Variants in KALRN observed in about 807,000 individuals in gnomAD.
KALRN encodes the protein kalirin RhoGEF kinase, also known as kalirin.
A neutral mutation model predicts 353.7 loss-of-function variants in KALRN; 70 were observed. That is an observed-to-expected ratio of 0.20 (90% CI 0.16 to 0.24). The LOEUF (loss-of-function observed/expected upper bound fraction) is 0.24. KALRN is among the 10% of genes least tolerant of loss of function. The pLI is 1.00. For missense variants in KALRN, 2,791 were observed against 3,756.7 expected, an observed-to-expected ratio of 0.74 and a Z score of 6.72; for synonymous variants, 1,391 against 1,434.8, an observed-to-expected ratio of 0.97 and a Z score of 0.69.
At chr3:124,705,824 C>A (rs186945104) in intron 57 of KALRN, among the ~76,000 whole-genome samples, 1 of 145,706 alleles carries the variant, frequency 6.9e-6, no homozygotes, top group Admixed American at 6.9e-5. Flanking sequence ...TCCTTCCTCC[C>A]TTCCTTCCTT....
intron 1 of KALRN, among the ~76,000 whole-genome samples, chr3:124,066,673 T>C (rs1008786458): frequency 6.6e-6 from 1 of 152,180 alleles, no homozygotes; most frequent in African/African-American, 2.4e-5. Context: ...TCTTCTTATC[T>C]CCTGCCACAG....
chr3:124,138,585 G>A (rs893083152), intron 1 of KALRN, among the ~76,000 whole-genome samples: 2 of 152,196 alleles, frequency 1.3e-5, no homozygotes, highest in Admixed American at 1.3e-4. Flanking sequence ...AAGCCACTGA[G>A]GCCAGAGGAT....
chr3:124,589,163 C>A (rs145965216), intron 34 of KALRN, among the ~76,000 whole-genome samples: 1 of 152,196 alleles, frequency 6.6e-6, no homozygotes, highest in Non-Finnish European at 1.5e-5. Flanking sequence ...CAGCCAGAAA[C>A]CTTATGACTT....
chr3:124,238,054 A>T (rs1489049804), intron 3 of KALRN, among the ~76,000 whole-genome samples: 1 of 152,174 alleles, frequency 6.6e-6, no homozygotes, highest in Non-Finnish European at 1.5e-5. Flanking sequence ...TCCTCTCTGT[A>T]GGCCAGGCCA....
chr3:124,725,121 T>G lies in KALRN; in HGVS notation c.*5651T>G, dbSNP rs951377027. On this transcript the variant is annotated 3_prime_UTR_variant, in exon 60 of 60. Coordinates refer to ENST00000682506, the MANE Select transcript of KALRN (RefSeq NM_001388419.1). ...CCCAGGGATGGCCATCATATGAGTT[T>G]CCATCAATACCTGACTTCCATCAAC... The G allele has an allele frequency of 1.7e-4, 26 of 152,208 alleles. No homozygotes were observed. The highest frequency in any genetic ancestry group is 3.4e-4 in the Non-Finnish European group (23 of 68,030). 9.4% of individuals were successfully genotyped at this position (152,208 alleles called of 1,614,324 possible).
intron 10 of KALRN, among the ~76,000 whole-genome samples, chr3:124,358,493 G>C (rs547992764): frequency 6.6e-6 from 1 of 152,292 alleles, no homozygotes; most frequent in Non-Finnish European, 1.5e-5. Context: ...GTGGTATACT[G>C]TATGTTGACT....
At chr3:124,239,463 T>A (rs149737554) in intron 3 of KALRN, among the ~76,000 whole-genome samples, 1 of 152,346 alleles carries the variant, frequency 6.6e-6, no homozygotes, top group Non-Finnish European at 1.5e-5. Context: ...AATCTGCTCT[T>A]AGCAGTTCCA....
chr3:124,537,361 C>T (rs1271321229), intron 33 of KALRN, among the ~76,000 whole-genome samples: 1 of 152,158 alleles, frequency 6.6e-6, no homozygotes, highest in Admixed American at 6.6e-5. Context: ...TTTTTAAAAC[C>T]ACGATACTTT....
intron 57 of KALRN, among the ~76,000 whole-genome samples, chr3:124,708,063 G>C (rs2062723516): frequency 6.6e-6 from 1 of 152,194 alleles, no homozygotes; most frequent in Non-Finnish European, 1.5e-5. Context: ...AAACTGAACT[G>C]ACAATAGAAC....
intron 57 of KALRN, among the ~76,000 whole-genome samples, chr3:124,708,308 T>G (rs2062735063): frequency 1.3e-5 from 2 of 152,196 alleles, no homozygotes; most frequent in Non-Finnish European, 2.9e-5. Context: ...ATGCCAGCTC[T>G]GACATGATCC....
intron 8 of KALRN, among the ~76,000 whole-genome samples, chr3:124,332,354 A>G (rs930854357): frequency 2.0e-5 from 3 of 152,082 alleles, no homozygotes; most frequent in Admixed American, 2.0e-4. Flanking sequence ...TCATCATCAG[A>G]GGTGTGGAGA....
chr3:124,657,349 G>A (rs1182755144), intron 39 of KALRN, 99 bp from the exon 40 acceptor site: 7 of 780,432 alleles, frequency 9.0e-6, no homozygotes, highest in Admixed American at 4.1e-5. Context: ...GCAAACTCAC[G>A]CAGAGAGTGT....
At chr3:124,095,751 A>T (rs2061407108) in intron 1 of KALRN, 1 of 152,206 alleles carries the variant, frequency 6.6e-6, no homozygotes, top group South Asian at 2.1e-4. Context: ...TTGTTTGGTA[A>T]TTGATTTTTT....
At chr3:124,126,739 T>C (rs944735209) in intron 1 of KALRN, among the ~76,000 whole-genome samples, 1 of 152,240 alleles carries the variant, frequency 6.6e-6, no homozygotes, top group Non-Finnish European at 1.5e-5. Flanking sequence ...CAAGCTCTGC[T>C]GTACCATGCT....
chr3:124,519,931 C>T, intron 33 of KALRN: 2 of 960,042 alleles, frequency 2.1e-6, no homozygotes, highest in Non-Finnish European at 2.5e-6. Context: ...CCCTTCCCAT[C>T]CCACTTTCCA....
intron 51 of KALRN, among the ~76,000 whole-genome samples, chr3:124,687,845 T>C (rs572106519): frequency 6.6e-6 from 1 of 151,742 alleles, no homozygotes; most frequent in Non-Finnish European, 1.5e-5. Context: ...ACATACTCAT[T>C]ACAACTGGGT....
chr3:124,443,414 C>T (rs2093730940), intron 19 of KALRN, among the ~76,000 whole-genome samples: 2 of 152,186 alleles, frequency 1.3e-5, no homozygotes. Context: ...AAGAGCTTCC[C>T]TCTTTGCTCA....
chr3:124,587,439 AG>A (rs1299382118), intron 34 of KALRN, among the ~76,000 whole-genome samples: 4 of 152,346 alleles, frequency 2.6e-5, no homozygotes, highest in East Asian at 3.9e-4. Context: ...CAAAAGTAAA[AG>A]AACCAAGAGG....
chr3:124,335,573 G>A (rs969281906), intron 9 of KALRN, among the ~76,000 whole-genome samples: 7 of 152,062 alleles, frequency 4.6e-5, no homozygotes, highest in African/African-American at 1.4e-4. Context: ...TAGTGTGGGG[G>A]GAGCTGGCTG....
Sources: gnomAD v4.1 joint callset for allele counts (sites outside exome capture counted in the v4.1 genomes callset) on GRCh38, gnomAD v4.1.1 for gene constraint, MANE v1.5 for transcripts, NCBI Gene and HGNC (gene_info 2026-07-23, HGNC 2026-07-21) for gene names.